NCOR2: variants seen among roughly 807,000 people sequenced by gnomAD.
NCOR2 encodes CTG repeat protein 26.
In NCOR2, 81 loss-of-function variants were observed where a neutral mutation model predicts 262.9. The ratio of observed to expected loss-of-function variants is 0.31; its 90% CI spans 0.26 to 0.37. The LOEUF (loss-of-function observed/expected upper bound fraction) is 0.37, where lower values mean the gene tolerates loss of function less well. Ranked by LOEUF, NCOR2 falls within the 10% of genes least tolerant of loss-of-function variation. The probability of loss-of-function intolerance (pLI) is 1.00; values close to 1 mark genes in which losing one functional copy is unlikely to be tolerated. For missense variants in NCOR2, 3,385 were observed against 3,621.4 expected, an observed-to-expected ratio of 0.93 and a Z score of 1.68; for synonymous variants, 1,659 against 1,559.3, an observed-to-expected ratio of 1.06 and a Z score of -1.51.
chr12:124,355,785 A>AGGAT, intron 23 of NCOR2, among the ~76,000 whole-genome samples: 1 of 152,070 alleles, frequency 6.6e-6, no homozygotes, highest in Non-Finnish European at 1.5e-5. Context: ...CACCTCACCC[A>AGGAT]CTGCCCAGGC....
Position 124,354,822 on chromosome 12 carries a change from G to GCTCCT in NCOR2, c.3484+14_3484+15insAGGAG. The GCTCCT allele has an allele frequency of 3.7e-6, 6 of 1,610,614 alleles. No homozygotes were observed. Among genetic ancestry groups the GCTCCT allele is most frequent in the Non-Finnish European group, 5.1e-6 (6 of 1,178,020 alleles). The stretch of plus-strand genomic sequence containing the variant: ...CCAGCCTGAGCCACCCAGACGGATG[G>GCTCCT]GCCAGGAGCCTTACCCAGCTTTTTG... On this transcript the variant is annotated intron_variant, in intron 25 of 46. Transcript: ENST00000405201.
chr12:124,384,632 A>C (rs936455631), intron 17 of NCOR2, among the ~76,000 whole-genome samples: 3 of 152,166 alleles, frequency 2.0e-5, no homozygotes, highest in African/African-American at 4.8e-5. Flanking sequence ...GGCGGAGTTC[A>C]AACAGGGGGA....
At chr12:124,526,781 T>C (rs1465949830) in intron 1 of NCOR2, among the ~76,000 whole-genome samples, 1 of 152,020 alleles carries the variant, frequency 6.6e-6, no homozygotes, top group Non-Finnish European at 1.5e-5. Context: ...GCACATGAGG[T>C]GGCCCCCGCT....
At chr12:124,363,648 ACTCTGTGGGG>A in intron 21 of NCOR2, 21 bp downstream of exon 23, 1 of 1,333,386 alleles carries the variant, frequency 7.5e-7, no homozygotes, top group Non-Finnish European at 9.7e-7. Context: ...GTCAGGGTGG[ACTCTGTGGGG>A]CTCTGGGGGT....
rs1294181076 is a variant in NCOR2, at chr12:124,449,756, G to A, written c.815+59C>T. The A allele has an allele frequency of 2.5e-6, 4 of 1,574,552 alleles. No individual in the cohort carries two copies. In the African/African-American group the frequency reaches 4.1e-5, roughly 16 times the overall value. The stretch of plus-strand genomic sequence containing the variant: ...CGTCCCACATCCCATGCAGGCTGCT[G>A]AGAGCCTGCTCGCCCACCCTGCCTC... On this transcript the variant is annotated intron_variant, in intron 7 of 46. Coordinates refer to ENST00000405201, the Ensembl canonical transcript of NCOR2.
chr12:124,470,167 GAAAA>G (rs56145231), intron 4 of NCOR2, among the ~76,000 whole-genome samples: 8 of 104,840 alleles, frequency 7.6e-5, no homozygotes, highest in African/African-American at 2.2e-4. Flanking sequence ...ATCCATCTCA[GAAAA>G]AAAAAAAAAA....
intron 13 of NCOR2, 60 bp from the exon 16 acceptor site, chr12:124,402,621 G>C (rs2042044816): frequency 1.9e-6 from 3 of 1,540,806 alleles, no homozygotes; most frequent in East Asian, 2.4e-5. Flanking sequence ...GTGAACAGGT[G>C]AATCTCTGCA....
intron 26 of NCOR2, 57 bp from the exon 29 acceptor site, chr12:124,354,253 C>T: frequency 6.6e-7 from 1 of 1,507,318 alleles, no homozygotes; most frequent in Non-Finnish European, 8.9e-7. Flanking sequence ...CTTCCCCAGG[C>T]CCCAGTCCTG....
At chr12:124,532,302 G>A (rs971767947) in intron 1 of NCOR2, among the ~76,000 whole-genome samples, 4 of 152,032 alleles carry the variant, frequency 2.6e-5, no homozygotes, top group African/African-American at 7.3e-5. Context: ...GGTCCCAGAG[G>A]GGCCCCACAG....
At chr12:124,424,084 C>T (rs948744738) in intron 11 of NCOR2, among the ~76,000 whole-genome samples, 5 of 152,196 alleles carry the variant, frequency 3.3e-5, no homozygotes, top group African/African-American at 4.8e-5. Flanking sequence ...CAGATAGCAG[C>T]CCAGCCTGGG....
intron 1 of NCOR2, among the ~76,000 whole-genome samples, chr12:124,508,886 T>C (rs2049208808): frequency 6.6e-6 from 1 of 151,994 alleles, no homozygotes; most frequent in African/African-American, 2.4e-5. Flanking sequence ...TGAAGCGGGC[T>C]GATGGGGGGA....
chr12:124,344,908 G>A (rs752514577), exon 32 of NCOR2: 2 of 1,576,440 alleles, frequency 1.3e-6, no homozygotes, highest in Non-Finnish European at 1.7e-6. Flanking sequence ...GTGCTTTTTG[G>A]AGCCAGTGGT....
chr12:124,442,691 G>A (rs2136450643), intron 7 of NCOR2, among the ~76,000 whole-genome samples: 1 of 152,286 alleles, frequency 6.6e-6, no homozygotes. Flanking sequence ...CCTAGTACAG[G>A]TGGGAATGTC....
Position 124,481,095 on chromosome 12 carries a change from G to A in NCOR2, c.411+2501C>T, listed in dbSNP as rs1330933141. Among the ~76,000 whole-genome samples the A allele has an allele frequency of 3.3e-5, 5 of 151,778 alleles. No individual in the cohort carries two copies. The highest frequency in any genetic ancestry group is 1.2e-4 in the African/African-American group (5 of 41,356). The stretch of plus-strand genomic sequence containing the variant: ...GGGAGAGATGGCAGGAGCTGAGGAA[G>A]CAGGGGGTGAAGGGGAGTGAGCAGG... On this transcript the variant is annotated intron_variant, in intron 3 of 46. Coordinates refer to ENST00000405201, the Ensembl canonical transcript of NCOR2. This position sits in a 1 kb window ranked among gnomAD's most constrained non-coding sequence, Gnocchi z 4.6.
chr12:124,518,544 G>A (rs1176394027), intron 1 of NCOR2, among the ~76,000 whole-genome samples: 15 of 152,380 alleles, frequency 9.8e-5, no homozygotes, highest in Admixed American at 7.2e-4. Context: ...GGCCTCCAGC[G>A]ATCCGTTCTC....
chr12:124,483,591 C>G lies in NCOR2; in HGVS notation c.411+5G>C, dbSNP rs1339114218. Reference sequence around the variant, plus strand: ...AGGAGCTCCCAGCTGGGGGCCCAGGCTTACCTTGGTGAGGTCTTCAGATCC... The same window carrying G: ...AGGAGCTCCCAGCTGGGGGCCCAGGGTTACCTTGGTGAGGTCTTCAGATCC... On this transcript the variant is annotated splice_donor_5th_base_variant and intron_variant, in intron 3 of 46. Coordinates refer to ENST00000405201, the Ensembl canonical transcript of NCOR2. The surrounding 1 kb of genome is among the most constrained non-coding windows in gnomAD (Gnocchi z 6.3). 1.3e-6 allele frequency: 2 copies of G among 1,582,772 alleles called. No individual in the cohort carries two copies. The highest frequency in any genetic ancestry group is 2.3e-5 in the South Asian group (2 of 86,260).
chr12:124,469,616 C>A (rs921707477), intron 4 of NCOR2, among the ~76,000 whole-genome samples: 48 of 152,186 alleles, frequency 3.2e-4, no homozygotes, highest in African/African-American at 1.1e-3. Flanking sequence ...GCCTGAGCCC[C>A]CCGCTCACCA....
rs1300051326 is a variant in NCOR2 at position 124,531,194 on chromosome 12, A to C, written c.-118+4371T>G. 6.6e-6 allele frequency among the ~76,000 whole-genome samples: 1 copy of C among 152,216 alleles called. No homozygotes were observed. The highest frequency in any genetic ancestry group is 2.4e-5 in the African/African-American group (1 of 41,450). On this transcript the variant is annotated intron_variant, in intron 1 of 46. Transcript: ENST00000404621. This position sits in a 1 kb window ranked among gnomAD's most constrained non-coding sequence, Gnocchi z 4.5. ...CATCCACCAACTCATGCTGAACAAC[A>C]GTCCAGCCAGAGCCCACCCGTTTAT... is the stretch of plus-strand genomic sequence containing the variant.
intron 5 of NCOR2, among the ~76,000 whole-genome samples, chr12:124,464,751 T>G (rs1038513184): frequency 6.6e-6 from 1 of 152,162 alleles, no homozygotes; most frequent in Non-Finnish European, 1.5e-5. Context: ...GTTGTCATTG[T>G]TTTAAAGCTG....
Sources: gnomAD v4.1 joint callset for allele counts (sites outside exome capture counted in the v4.1 genomes callset) on GRCh38, gnomAD v4.1.1 for gene constraint, Gnocchi (gnomAD v3.1) non-coding constraint, MANE v1.5 for transcripts, NCBI Gene and HGNC (gene_info 2026-07-23, HGNC 2026-07-21) for gene names.